Variants in DPP10 observed in about 807,000 individuals in gnomAD.
DPP10 encodes dipeptidyl peptidase like 10, also known as inactive dipeptidyl peptidase 10.
Under a neutral mutation model 120.9 loss-of-function variants are expected in DPP10, and 33 were observed. The observed-to-expected ratio is 0.27, with a 90% CI of 0.21 to 0.37. The LOEUF (loss-of-function observed/expected upper bound fraction) is 0.37, where lower values mean the gene tolerates loss of function less well. Ranked by LOEUF, DPP10 falls within the 10% of genes least tolerant of loss-of-function variation. The probability of loss-of-function intolerance (pLI) is 1.00; values close to 1 mark genes in which losing one functional copy is unlikely to be tolerated. For missense variants in DPP10, 816 were observed against 942.8 expected (o/e 0.87, Z 1.76); for synonymous variants, 337 against 326.1 (o/e 1.03, Z -0.36).
At chr2:115,409,387 A>T (rs2104563918) in intron 3 of DPP10, among the ~76,000 whole-genome samples, 1 of 152,364 alleles carries the variant, frequency 6.6e-6, no homozygotes, top group South Asian at 2.1e-4. Flanking sequence ...AACAGCATAT[A>T]CAAATGGCCA....
chr2:115,327,296 C>T (rs1356838094), intron 2 of DPP10, among the ~76,000 whole-genome samples: 1 of 151,924 alleles, frequency 6.6e-6, no homozygotes, highest in Non-Finnish European at 1.5e-5. Context: ...ATGAAGTTGC[C>T]TAATAGCACA....
chr2:114,704,678 T>G (rs1700581610), intron 1 of DPP10, among the ~76,000 whole-genome samples: 1 of 152,272 alleles, frequency 6.6e-6, no homozygotes, highest in Non-Finnish European at 1.5e-5. Context: ...TGTGTACAGG[T>G]GCATATGATA....
intron 1 of DPP10, among the ~76,000 whole-genome samples, chr2:114,994,832 G>T (rs1389085146): frequency 6.6e-6 from 1 of 152,080 alleles, no homozygotes; most frequent in Non-Finnish European, 1.5e-5. Context: ...CTACACAGTG[G>T]TTATTTAGAT....
At chr2:115,096,324 T>C (rs1709739256) in intron 1 of DPP10, among the ~76,000 whole-genome samples, 2 of 152,198 alleles carry the variant, frequency 1.3e-5, no homozygotes, top group Admixed American at 6.5e-5. Context: ...AACTCTGGTA[T>C]ACAGTATATA....
At chr2:115,247,148 T>C (rs937469266) in intron 1 of DPP10, among the ~76,000 whole-genome samples, 18 of 152,156 alleles carry the variant, frequency 1.2e-4, no homozygotes, top group Non-Finnish European at 1.5e-4. Context: ...GAATTGTTGA[T>C]AGATGGTAAT....
At chr2:115,788,476 A>G (rs1683579697) in intron 17 of DPP10, among the ~76,000 whole-genome samples, 1 of 152,192 alleles carries the variant, frequency 6.6e-6, no homozygotes, top group Non-Finnish European at 1.5e-5. Flanking sequence ...CTTCCCTGAC[A>G]AGATCAATAA....
intron 1 of DPP10, among the ~76,000 whole-genome samples, chr2:114,658,378 T>C (rs987101346): frequency 6.6e-6 from 1 of 152,118 alleles, no homozygotes; most frequent in African/African-American, 2.4e-5. Context: ...AGATAGGAGA[T>C]TAATGAGAAA....
intron 1 of DPP10, among the ~76,000 whole-genome samples, chr2:114,769,953 C>T (rs531367226): frequency 6.6e-6 from 1 of 152,276 alleles, no homozygotes; most frequent in Admixed American, 6.5e-5. Flanking sequence ...GCTGACTCCA[C>T]GCCTGACACA....
At chr2:115,329,623 T>A (rs1351929240) in intron 2 of DPP10, among the ~76,000 whole-genome samples, 1 of 152,084 alleles carries the variant, frequency 6.6e-6, no homozygotes, top group Non-Finnish European at 1.5e-5. Context: ...TGTGTGATGT[T>A]CCCCTTCCTG....
intron 1 of DPP10, among the ~76,000 whole-genome samples, chr2:114,733,045 TA>T (rs1677069802): frequency 6.6e-6 from 1 of 152,080 alleles, no homozygotes; most frequent in Non-Finnish European, 1.5e-5. Flanking sequence ...ATCCAGAAAG[TA>T]AAGAAGAGGA....
chr2:115,605,625 A>T (rs2083655101), intron 5 of DPP10, among the ~76,000 whole-genome samples: 2 of 152,056 alleles, frequency 1.3e-5, no homozygotes, highest in Admixed American at 6.6e-5. Flanking sequence ...AACATGAGCA[A>T]ATTTCTATTA....
intron 7 of DPP10, among the ~76,000 whole-genome samples, chr2:115,724,947 T>C (rs773388540): frequency 4.7e-4 from 72 of 152,042 alleles, no homozygotes; most frequent in Non-Finnish European, 7.2e-4. Context: ...AACCCACTCA[T>C]ATTGTGAGGA....
intron 1 of DPP10, among the ~76,000 whole-genome samples, chr2:114,646,589 C>T (rs1433484172): frequency 1.3e-5 from 2 of 152,180 alleles, no homozygotes; most frequent in Non-Finnish European, 2.9e-5. Flanking sequence ...TCCATATTAT[C>T]TGTTCCCAAG....
chr2:115,054,475 A>G (rs1421523090), intron 1 of DPP10, among the ~76,000 whole-genome samples: 9 of 152,224 alleles, frequency 5.9e-5, no homozygotes, highest in Non-Finnish European at 1.5e-5. Context: ...TATTATTAGA[A>G]AAAAAGTGCA....
At chr2:115,702,743 T>C (rs1575562848) in intron 7 of DPP10, among the ~76,000 whole-genome samples, 1 of 152,108 alleles carries the variant, frequency 6.6e-6, no homozygotes, top group Admixed American at 6.6e-5. Context: ...GGACTTCTTT[T>C]TGAGATAATG....
chr2:114,941,527 T>C (rs979865680), intron 1 of DPP10, among the ~76,000 whole-genome samples: 5 of 152,204 alleles, frequency 3.3e-5, no homozygotes, highest in African/African-American at 4.8e-5. Context: ...GATACATTGC[T>C]AATAAGCATA....
chr2:115,393,393 G>A (rs2067456612), intron 3 of DPP10, among the ~76,000 whole-genome samples: 1 of 151,924 alleles, frequency 6.6e-6, no homozygotes, highest in Admixed American at 6.6e-5. Context: ...GGTAAAAATT[G>A]AACAGCTTAT....
chr2:114,900,185 G>T (rs77957428), intron 1 of DPP10, among the ~76,000 whole-genome samples: 1 of 152,272 alleles, frequency 6.6e-6, no homozygotes, highest in African/African-American at 2.4e-5. Context: ...TTTGTCAAGA[G>T]GGTAGGACTT....
chr2:115,020,977 T>G (rs1703029345), intron 1 of DPP10, among the ~76,000 whole-genome samples: 1 of 151,992 alleles, frequency 6.6e-6, no homozygotes. Flanking sequence ...TGAATGATAA[T>G]ACTGACACAA....
Sources: gnomAD v4.1 joint callset for allele counts (sites outside exome capture counted in the v4.1 genomes callset) on GRCh38, gnomAD v4.1.1 for gene constraint, MANE v1.5 for transcripts, NCBI Gene and HGNC (gene_info 2026-07-23, HGNC 2026-07-21) for gene names.